MACROD2: variants seen among roughly 807,000 people sequenced by gnomAD.
MACROD2 encodes the protein mono-ADP ribosylhydrolase 2, also known as ADP-ribose glycohydrolase MACROD2.
A neutral mutation model predicts 70.4 loss-of-function variants in MACROD2; 36 were observed. The observed-to-expected ratio is 0.51, with a 90% CI of 0.39 to 0.68. MACROD2 has a LOEUF of 0.68. Among genes scored for constraint, MACROD2 ranks in the 30% least tolerant of loss-of-function variants. The pLI is 0.00. For synonymous variants in MACROD2, 172 were observed against 178.8 expected, an observed-to-expected ratio of 0.96 and a Z score of 0.30; for missense variants, 496 against 538.4, an observed-to-expected ratio of 0.92 and a Z score of 0.78.
At chr20:15,712,861 C>G (rs935567446) in intron 8 of MACROD2, among the ~76,000 whole-genome samples, 7 of 152,186 alleles carry the variant, frequency 4.6e-5, no homozygotes, top group African/African-American at 1.7e-4. Context: ...AAATTATTTT[C>G]TGTTTTGACA....
chr20:14,753,433 T>A (rs2071900860), intron 5 of MACROD2, among the ~76,000 whole-genome samples: 1 of 152,120 alleles, frequency 6.6e-6, no homozygotes, highest in Non-Finnish European at 1.5e-5. Context: ...TGTGTGTGTA[T>A]TAATATGTGT....
In MACROD2 at chr20:15,425,962, C is replaced by A. The variant is rs113761162; in HGVS notation, c.541-5443C>A. Among the ~76,000 whole-genome samples the A allele has an allele frequency of 3.5e-3, 532 of 152,286 alleles. 4 individuals carry two copies. The highest frequency in any genetic ancestry group is 0.012 in the African/African-American group (506 of 41,562). On this transcript the variant is annotated intron_variant, in intron 6 of 17. Coordinates refer to ENST00000684519, the MANE Select transcript of MACROD2 (RefSeq NM_001351661.2). The stretch of plus-strand genomic sequence containing the variant: ...AGAGAAGGCTGAGGAGCATTTCCTT[C>A]CTTACCCTTAAATTACTTAGACAGA...
intron 5 of MACROD2, among the ~76,000 whole-genome samples, chr20:14,796,340 C>T (rs1334232299): frequency 6.6e-6 from 1 of 152,060 alleles, no homozygotes. Context: ...TGTTTAAGTG[C>T]AACCAGGCTG....
At chr20:15,505,449 T>C (rs2047414021) in intron 8 of MACROD2, among the ~76,000 whole-genome samples, 2 of 152,088 alleles carry the variant, frequency 1.3e-5, no homozygotes, top group Non-Finnish European at 2.9e-5. Context: ...AAGAAGCAGA[T>C]AGATGGACAG....
chr20:14,377,362 C>A (rs76288579), intron 3 of MACROD2, among the ~76,000 whole-genome samples: 7,303 of 152,278 alleles, frequency 0.048, 197 homozygotes, highest in African/African-American at 0.05. Context: ...GAGTTGCAGA[C>A]CACACCATCA....
At chr20:15,034,614 A>T (rs1555776068) in intron 5 of MACROD2, among the ~76,000 whole-genome samples, 1 of 152,064 alleles carries the variant, frequency 6.6e-6, no homozygotes, top group Non-Finnish European at 1.5e-5. Flanking sequence ...ATTGTGAAGC[A>T]TTTTTTTGGT....
At chr20:15,401,207 T>G (rs1368189543) in intron 6 of MACROD2, among the ~76,000 whole-genome samples, 1 of 151,980 alleles carries the variant, frequency 6.6e-6, no homozygotes, top group Non-Finnish European at 1.5e-5. Flanking sequence ...CCGGCTAATT[T>G]TTTTGTATTT....
intron 13 of MACROD2, among the ~76,000 whole-genome samples, chr20:15,969,648 T>C (rs2066199514): frequency 6.6e-6 from 1 of 151,958 alleles, no homozygotes; most frequent in East Asian, 1.9e-4. Flanking sequence ...AAATTACAGA[T>C]AGTAGGGGAA....
intron 3 of MACROD2, among the ~76,000 whole-genome samples, chr20:14,381,564 G>T (rs1016482518): frequency 1.3e-5 from 2 of 152,134 alleles, no homozygotes; most frequent in African/African-American, 2.4e-5. Flanking sequence ...ATATTGGGAA[G>T]AACTTTTTAC....
At chr20:14,235,645 A>C (rs768212579) in intron 3 of MACROD2, among the ~76,000 whole-genome samples, 1 of 152,300 alleles carries the variant, frequency 6.6e-6, no homozygotes, top group East Asian at 1.9e-4. Context: ...TGCTCTGTAC[A>C]TAGACTTCTA....
intron 6 of MACROD2, among the ~76,000 whole-genome samples, chr20:15,378,095 C>A (rs550674068): frequency 1.3e-5 from 2 of 150,772 alleles, no homozygotes; most frequent in African/African-American, 4.9e-5. Context: ...ACCTATGTAA[C>A]AAACCTGCAC....
chr20:15,993,117 A>T (rs1261178584), intron 15 of MACROD2, among the ~76,000 whole-genome samples: 2 of 152,196 alleles, frequency 1.3e-5, no homozygotes, highest in Non-Finnish European at 2.9e-5. Flanking sequence ...TCAGAAAGAT[A>T]AAATTATGGC....
chr20:14,644,700 C>A (rs190990590), intron 4 of MACROD2, among the ~76,000 whole-genome samples: 1 of 152,156 alleles, frequency 6.6e-6, no homozygotes, highest in African/African-American at 2.4e-5. Flanking sequence ...TGGTGCTGAT[C>A]GTAGTGTACA....
intron 5 of MACROD2, among the ~76,000 whole-genome samples, chr20:15,001,478 G>C (rs2074994863): frequency 6.6e-6 from 1 of 152,016 alleles, no homozygotes; most frequent in Non-Finnish European, 1.5e-5. Flanking sequence ...CAAATCCCAG[G>C]ACCAAACTCC....
chr20:14,940,608 A>T (rs2074381897), intron 5 of MACROD2, among the ~76,000 whole-genome samples: 1 of 152,124 alleles, frequency 6.6e-6, no homozygotes, highest in South Asian at 2.1e-4. Flanking sequence ...TTATCATAAA[A>T]GGATGTTGAA....
chr20:15,253,651 C>T (rs894810443), intron 6 of MACROD2, among the ~76,000 whole-genome samples: 3 of 152,152 alleles, frequency 2.0e-5, no homozygotes, highest in African/African-American at 7.2e-5. Context: ...TGAGGCCATT[C>T]CTTCCGCTGG....
At chr20:14,387,878 T>C (rs771532984) in intron 3 of MACROD2, among the ~76,000 whole-genome samples, 1 of 152,350 alleles carries the variant, frequency 6.6e-6, no homozygotes, top group African/African-American at 2.4e-5. Flanking sequence ...CCTCAACTGA[T>C]TTCAGTGGAG....
chr20:15,040,135 G>A (rs1293945810), intron 5 of MACROD2, among the ~76,000 whole-genome samples: 1 of 152,044 alleles, frequency 6.6e-6, no homozygotes, highest in East Asian at 1.9e-4. Flanking sequence ...CTAACACGGT[G>A]ACACCCTGTC....
chr20:15,084,586 G>A (rs1400920347), intron 5 of MACROD2, among the ~76,000 whole-genome samples: 2 of 152,116 alleles, frequency 1.3e-5, no homozygotes, highest in Non-Finnish European at 2.9e-5. Context: ...GCACCAAACT[G>A]CTAACAGTGA....
Sources: gnomAD v4.1 joint callset for allele counts (sites outside exome capture counted in the v4.1 genomes callset) on GRCh38, gnomAD v4.1.1 for gene constraint, MANE v1.5 for transcripts, NCBI Gene and HGNC (gene_info 2026-07-23, HGNC 2026-07-21) for gene names.